The following CHRNA1 variants were observed in gnomAD, a reference collection of about 807,000 sequenced individuals.
The protein encoded by CHRNA1 is acetylcholine receptor subunit alpha.
CHRNA1 carries 35 observed loss-of-function variants against 47.1 expected under a neutral mutation model. The observed-to-expected ratio is 0.74, with a 90% CI of 0.57 to 0.99. The LOEUF (loss-of-function observed/expected upper bound fraction) is 0.99, where lower values mean the gene tolerates loss of function less well. Ranked by LOEUF, CHRNA1 falls within the 50% of genes least tolerant of loss-of-function variation. The pLI is 0.00. For missense variants in CHRNA1, 506 were observed against 591.1 expected, an observed-to-expected ratio of 0.86 and a Z score of 1.49; for synonymous variants, 229 against 223.6, an observed-to-expected ratio of 1.02 and a Z score of -0.22.
chr2:174,756,659 T>C (rs1370254567), intron 4 of CHRNA1, among the ~76,000 whole-genome samples: 1 of 152,186 alleles, frequency 6.6e-6, no homozygotes, highest in Non-Finnish European at 1.5e-5. Flanking sequence ...ATTACACAAA[T>C]GATCGGATAA....
At chr2:174,762,891 T>C (rs1684123763) in intron 1 of CHRNA1, among the ~76,000 whole-genome samples, 1 of 152,218 alleles carries the variant, frequency 6.6e-6, no homozygotes, top group Non-Finnish European at 1.5e-5. Context: ...CAAAAGAAAT[T>C]TTGAACTGTT....
intron 3 of CHRNA1, 198 bp from the exon 4 acceptor site, chr2:174,757,873 G>C: frequency 1.0e-6 from 1 of 1,001,206 alleles, no homozygotes; most frequent in Non-Finnish European, 1.6e-6. Flanking sequence ...TGCTCACACT[G>C]TTTCAAACAA....
rs34695580 is a variant in CHRNA1, at chr2:174,759,379, G to GA, written c.190-5dup. 2.2e-5 allele frequency: 35 copies of GA among 1,610,112 alleles called. No homozygotes were observed. Among genetic ancestry groups the GA allele is most frequent in the Admixed American group, 1.2e-4 (7 of 59,870 alleles). ...TCACGATCTGATTTACTTCATCCTG[G>GA]AAAAAAAAATAAGGATCATTTTTAT... On this transcript the variant is annotated splice_region_variant and splice_polypyrimidine_tract_variant and intron_variant, in intron 2 of 8. Transcript: ENST00000348749.
At chr2:174,757,862 G>A (rs1010408966) in intron 3 of CHRNA1, 187 bp from the exon 4 acceptor site, 46 of 952,296 alleles carry the variant, frequency 4.8e-5, no homozygotes, top group Non-Finnish European at 6.9e-5. Context: ...CACTGACGAC[G>A]TGCTCACACT....
intron 4 of CHRNA1, among the ~76,000 whole-genome samples, chr2:174,756,450 C>G (rs1683982202): frequency 6.6e-6 from 1 of 152,128 alleles, no homozygotes; most frequent in South Asian, 2.1e-4. Flanking sequence ...GCATTGGACC[C>G]ACCCAAAGCA....
intron 1 of CHRNA1, among the ~76,000 whole-genome samples, chr2:174,761,981 C>CA (rs1369031670): frequency 6.6e-6 from 1 of 152,164 alleles, no homozygotes; most frequent in Non-Finnish European, 1.5e-5. Context: ...AAGCAGAGGG[C>CA]AGAGCAGATG....
At chr2:174,749,915 G>T (rs760405543) in intron 7 of CHRNA1, 31 bp downstream of exon 7, 1 of 1,582,456 alleles carries the variant, frequency 6.3e-7, no homozygotes, top group Non-Finnish European at 8.7e-7. Flanking sequence ...ATGTGCCTCC[G>T]TGTGAAGTCT....
intron 4 of CHRNA1, 48 bp downstream of exon 4, chr2:174,757,518 T>C (rs1558913774): frequency 9.9e-6 from 14 of 1,407,680 alleles, no homozygotes; most frequent in Non-Finnish European, 1.1e-5. Context: ...GGGCACTTTA[T>C]TCCACCTGCC....
At position 174,753,740 on chromosome 2, in the gene CHRNA1, C is replaced by T. The variant is rs1435415376; in HGVS notation, c.541G>A (p.Glu181Lys). The T allele has an allele frequency of 6.2e-7, 1 of 1,613,886 alleles. No individual in the cohort carries two copies. Residue 181 changes from glutamate (E) to lysine (K), a missense_variant and splice_region_variant, in exon 6 of 9, where the codon GAA (glutamate) becomes AAA (lysine). Coordinates refer to ENST00000348749, the MANE Select transcript of CHRNA1 (RefSeq NM_000079.4). The stretch of plus-strand genomic sequence containing the variant: ...TTGCTCAGGTCTGGCTGGTCGCTTT[C>T]CTGAGAAAGGAAGTGAGGTTTGGAA... ...YDGSVVAINP[E>K]SDQPDLSNFM...
At chr2:174,753,812 A>T (rs1401663639) in intron 5 of CHRNA1, 72 bp from the exon 6 acceptor site, 3 of 1,406,136 alleles carry the variant, frequency 2.1e-6, no homozygotes, top group East Asian at 2.3e-5. Flanking sequence ...TGTAATCAGC[A>T]GTGACAAGGC....
In CHRNA1 at chr2:174,747,957, A is replaced by G. The variant is rs529078773; in HGVS notation, c.*167T>C. On this transcript the variant is annotated 3_prime_UTR_variant, in exon 9 of 9. Transcript: ENST00000348749. ...CTAAAGGGAGAAGCAATATGAAAAC[A>G]CTTCAAGGCCATAAACTTACATAAA... The G allele has an allele frequency of 2.5e-5, 21 of 846,260 alleles. No homozygotes were observed. In the African/African-American group the frequency reaches 3.2e-4, roughly 13 times the overall value. The allele number at this position is 846,260 out of a possible 1,614,324, so 52.4% of individuals were successfully genotyped here. A position where few individuals can be genotyped will look rare whatever the true frequency, so the allele number is the denominator to read the frequency against.
At chr2:174,761,307 T>C (rs935499826) in intron 1 of CHRNA1, among the ~76,000 whole-genome samples, 1 of 152,114 alleles carries the variant, frequency 6.6e-6, no homozygotes, top group Admixed American at 6.5e-5. Flanking sequence ...ATCTCCCCTT[T>C]CCGCAGGTTA....
chr2:174,753,654 G>C lies in CHRNA1; in HGVS notation c.627C>G (p.Thr209=). 1 of 1,614,138 alleles carries C rather than the reference G, an allele frequency of 6.2e-7. No homozygotes were observed. The change falls in exon 6 of 9, where the codon ACC becomes ACG. Residue 209 remains threonine, a synonymous_variant. Transcript: ENST00000348749. ...AGGGGGTGTCGGGGCAGCAGGAATAGGTCACGGAGTGCTTCCAGCCCCGGG... is the reference window on the plus strand; with the variant it reads ...AGGGGGTGTCGGGGCAGCAGGAATACGTCACGGAGTGCTTCCAGCCCCGGG... ...KESRGWKHSV[T]YSCCPDTPYL...
At position 174,749,932 on chromosome 2, in the gene CHRNA1, G is replaced by A. The variant is rs757763020; in HGVS notation, c.1002+14C>T. 6 of 1,609,874 alleles carry A rather than the reference G, an allele frequency of 3.7e-6. No homozygotes were observed. The Admixed American group carries it at 8.3e-5, about 22-fold the overall frequency. The stretch of plus-strand genomic sequence containing the variant: ...GTGCCTCCGTGTGAAGTCTGCAGGG[G>A]CCTCCCCACTCACCTTCCGCACCCA... On this transcript the variant is annotated intron_variant, in intron 7 of 8. Transcript: ENST00000348749.
At chr2:174,759,776 A>G in intron 1 of CHRNA1, 143 bp from the exon 2 acceptor site, 1 of 1,092,572 alleles carries the variant, frequency 9.2e-7, no homozygotes, top group South Asian at 1.4e-5. Flanking sequence ...AAAGGCTCCC[A>G]AATGCAGCAG....
rs749660752 is a variant in CHRNA1 at position 174,754,408 on chromosome 2, A to G, written c.351T>C (p.Asp117=). 1 of 1,614,058 alleles carries G rather than the reference A, an allele frequency of 6.2e-7. No individual in the cohort carries two copies. The highest frequency in any genetic ancestry group is 8.5e-7 in the Non-Finnish European group (1 of 1,180,012). Residue 117 remains aspartate (D), a synonymous_variant, in exon 5 of 9, where the codon GAT becomes GAC. Coordinates refer to ENST00000348749, the MANE Select transcript of CHRNA1 (RefSeq NM_000079.4). ...RPDLVLYNNA[D]GDFAIVKFTK... ...TGAACTTGACAATAGCAAAGTCACCATCTGCACTACAATTGGGATAAAAGA... is the reference window on the plus strand; with the variant it reads ...TGAACTTGACAATAGCAAAGTCACCGTCTGCACTACAATTGGGATAAAAGA...
At chr2:174,759,698 G>T in intron 1 of CHRNA1, 65 bp from the exon 2 acceptor site, 1 of 1,584,724 alleles carries the variant, frequency 6.3e-7, no homozygotes, top group Non-Finnish European at 8.6e-7. Context: ...ACATGAACAT[G>T]AGGAACTGAG....
At chr2:174,750,230 T>A (rs1483327774) in intron 6 of CHRNA1, 61 bp from the exon 7 acceptor site, 1 of 1,264,034 alleles carries the variant, frequency 7.9e-7, no homozygotes, top group African/African-American at 1.5e-5. Context: ...TGGGCTGCAG[T>A]GTTCCTCCCA....
chr2:174,748,810 C>A lies in CHRNA1; in HGVS notation c.1012G>T (p.Asp338Tyr). ...MPNWVRKVFIDTIPNIMFFST... is the reference protein window; with the variant it reads ...MPNWVRKVFIYTIPNIMFFST... ...AAAAACATGATATTTGGGATAGTGT[C>A]GATAAAAACCTAACATAAAAAAGAA... The change falls in exon 8 of 9, where the codon GAC (aspartate) becomes TAC (tyrosine). Residue 338 changes from aspartate (D) to tyrosine (Y), a missense_variant. Physicochemically the swap from Asp to Tyr is radical, Grantham distance 160. Coordinates refer to ENST00000348749, the MANE Select transcript of CHRNA1 (RefSeq NM_000079.4). The A allele has an allele frequency of 6.2e-7, 1 of 1,613,804 alleles. No individual in the cohort carries two copies. Among genetic ancestry groups the A allele is most frequent in the South Asian group, 1.1e-5 (1 of 90,984 alleles).
Sources: gnomAD v4.1 joint callset for allele counts (sites outside exome capture counted in the v4.1 genomes callset) on GRCh38, gnomAD v4.1.1 for gene constraint, MANE v1.5 for transcripts, NCBI Gene and HGNC (gene_info 2026-07-23, HGNC 2026-07-21) for gene names.